The following TCF12 variants were observed in gnomAD, a reference collection of about 807,000 sequenced individuals.
TCF12 encodes the protein transcription factor 12, also known as DNA-binding protein HTF4.
In TCF12, 45 loss-of-function variants were observed where a neutral mutation model predicts 86.0. The ratio of observed to expected loss-of-function variants is 0.52; its 90% CI spans 0.41 to 0.67. The LOEUF is 0.67. Ranked by LOEUF, TCF12 falls within the 30% of genes least tolerant of loss-of-function variation. The pLI, the probability that TCF12 is intolerant of heterozygous loss-of-function variation, is 0.00. For missense variants in TCF12, 881 were observed against 859.9 expected, an observed-to-expected ratio of 1.02 and a Z score of -0.31; for synonymous variants, 330 against 299.6, an observed-to-expected ratio of 1.10 and a Z score of -1.05.
At chr15:57,096,462 A>G (rs573045967) in intron 5 of TCF12, among the ~76,000 whole-genome samples, 9 of 152,256 alleles carry the variant, frequency 5.9e-5, no homozygotes, top group Admixed American at 1.3e-4. Flanking sequence ...TAGAATTGCT[A>G]TACAGTCATC....
At chr15:57,082,209 A>G (rs771273401) in intron 4 of TCF12, among the ~76,000 whole-genome samples, 2 of 152,220 alleles carry the variant, frequency 1.3e-5, no homozygotes, top group Non-Finnish European at 2.9e-5. Flanking sequence ...CTACCAAGAT[A>G]TGCAGTACTA....
At chr15:57,071,324 A>G (rs2069361992) in intron 4 of TCF12, among the ~76,000 whole-genome samples, 1 of 151,582 alleles carries the variant, frequency 6.6e-6, no homozygotes. Flanking sequence ...AAGTGGGAGG[A>G]TTACATGAAC....
intron 5 of TCF12, among the ~76,000 whole-genome samples, chr15:57,147,546 G>A (rs1393359588): frequency 6.6e-6 from 1 of 151,844 alleles, no homozygotes; most frequent in Non-Finnish European, 1.5e-5. Context: ...AGCACTAAGT[G>A]AGATCTTTGC....
rs187567813 is a variant in TCF12, at chr15:56,995,527, C to T, written c.149-68223C>T. 1.1e-4 allele frequency among the ~76,000 whole-genome samples: 16 copies of T among 151,960 alleles called. No homozygotes were observed. In the East Asian group the frequency reaches 3.1e-3, roughly 29 times the overall value. On this transcript the variant is annotated intron_variant, in intron 3 of 20. Transcript: ENST00000333725. ...TAATTCTCCTTGTAGTGATCTTTTA[C>T]GTCCTTGATTAGCTATATTCCTAGA...
intron 5 of TCF12, among the ~76,000 whole-genome samples, chr15:57,107,856 G>A (rs1376660136): frequency 3.9e-5 from 6 of 152,150 alleles, no homozygotes; most frequent in Admixed American, 1.3e-4. Flanking sequence ...CGCAGTGAGC[G>A]ATGATTATGC....
chr15:57,015,700 A>C (rs2065114706), intron 3 of TCF12, among the ~76,000 whole-genome samples: 1 of 121,994 alleles, frequency 8.2e-6, no homozygotes, highest in East Asian at 2.3e-4. Flanking sequence ...CTCCAAAAAA[A>C]CAAGGACTTA....
chr15:57,234,862 G>C (rs1344609145), intron 12 of TCF12, among the ~76,000 whole-genome samples: 1 of 150,928 alleles, frequency 6.6e-6, no homozygotes, highest in African/African-American at 2.5e-5. Flanking sequence ...TTTTCTTCTT[G>C]TTTTCTGAGT....
At chr15:56,936,466 A>T (rs1393500554) in intron 3 of TCF12, among the ~76,000 whole-genome samples, 1 of 152,158 alleles carries the variant, frequency 6.6e-6, no homozygotes, top group Non-Finnish European at 1.5e-5. Context: ...TTTGCTGTGC[A>T]GAAGCTCTTC....
intron 5 of TCF12, among the ~76,000 whole-genome samples, chr15:57,114,869 C>T (rs570826336): frequency 9.8e-4 from 148 of 151,138 alleles, no homozygotes; most frequent in African/African-American, 3.4e-3. Flanking sequence ...ATATTGAATA[C>T]GTGAATGAAT....
At chr15:56,935,269 A>G (rs145303241) in intron 3 of TCF12, among the ~76,000 whole-genome samples, 94 of 152,146 alleles carry the variant, frequency 6.2e-4, no homozygotes, top group African/African-American at 1.9e-3. Flanking sequence ...ACAAAATACC[A>G]TAGATTTGGT....
intron 7 of TCF12, among the ~76,000 whole-genome samples, chr15:57,197,148 GCTT>G (rs2057304034): frequency 1.5e-5 from 1 of 67,598 alleles, no homozygotes; most frequent in Non-Finnish European, 3.3e-5. Flanking sequence ...GCACAGAACA[GCTT>G]CTTTTTTTTT....
chr15:57,086,941 A>T (rs1272749031), intron 4 of TCF12, among the ~76,000 whole-genome samples: 1 of 152,092 alleles, frequency 6.6e-6, no homozygotes, highest in East Asian at 1.9e-4. Context: ...AAAAGAAAAA[A>T]TTCTTGTATT....
At chr15:57,267,950 C>G (rs1446071401) in intron 18 of TCF12, among the ~76,000 whole-genome samples, 1 of 152,176 alleles carries the variant, frequency 6.6e-6, no homozygotes, top group Admixed American at 6.5e-5. Flanking sequence ...ACCCTTTGCA[C>G]ACGGTCTAGC....
At position 57,282,521 on chromosome 15, in the gene TCF12, G is replaced by A. The variant is rs767966630; in HGVS notation, c.2055G>A (p.Pro685=). 1.6e-5 allele frequency: 26 copies of A among 1,614,074 alleles called. No homozygotes were observed. The highest frequency in any genetic ancestry group is 1.4e-4 in the South Asian group (13 of 91,092). Residue 685 remains proline, a synonymous_variant, in exon 20 of 21, where the codon CCG becomes CCA. Coordinates refer to ENST00000333725, the MANE Select transcript of TCF12 (RefSeq NM_207037.2). ...EEKVSAVSAE[P]PTTLPGTHPG... is the part of the protein sequence containing the mutation. Reference sequence around the variant, plus strand: ...AAGTTTCTGCCGTATCGGCAGAGCCGCCAACCACACTGCCAGGAACCCATC... The same window carrying A: ...AAGTTTCTGCCGTATCGGCAGAGCCACCAACCACACTGCCAGGAACCCATC...
At chr15:57,094,482 G>A (rs1333976210) in intron 5 of TCF12, among the ~76,000 whole-genome samples, 1 of 152,166 alleles carries the variant, frequency 6.6e-6, no homozygotes, top group African/African-American at 2.4e-5. Context: ...CTTGATATGA[G>A]CTGAAGTAAT....
intron 3 of TCF12, among the ~76,000 whole-genome samples, chr15:57,048,437 A>G (rs1308255567): frequency 1.1e-4 from 17 of 151,922 alleles, no homozygotes. Flanking sequence ...AATTTTTTGT[A>G]TTTTTAGTAG....
At chr15:57,046,162 T>C (rs1352406022) in intron 3 of TCF12, among the ~76,000 whole-genome samples, 2 of 152,218 alleles carry the variant, frequency 1.3e-5, no homozygotes, top group African/African-American at 4.8e-5. Flanking sequence ...TCAGCCTCAC[T>C]CTTGAGTTAT....
chr15:57,064,079 G>A (rs2068663940), intron 4 of TCF12, among the ~76,000 whole-genome samples: 1 of 152,154 alleles, frequency 6.6e-6, no homozygotes, highest in Non-Finnish European at 1.5e-5. Flanking sequence ...AAAGAGCTTA[G>A]AATGCATAAG....
At chr15:57,231,362 G>T in intron 9 of TCF12, 105 bp downstream of exon 9, 4 of 827,712 alleles carry the variant, frequency 4.8e-6, no homozygotes, top group Non-Finnish European at 5.4e-6. Context: ...GCCTTATTTA[G>T]GCATTTTTTT....
Sources: allele counts gnomAD v4.1 joint callset (sites outside exome capture counted in the v4.1 genomes callset), GRCh38; gene constraint gnomAD v4.1.1; transcripts MANE v1.5; gene names NCBI Gene and HGNC (gene_info 2026-07-23, HGNC 2026-07-21).